Variants in ZNF492 observed in about 807,000 individuals in gnomAD.
ZNF492 encodes zinc finger protein 492.
Under a neutral mutation model 6.4 loss-of-function variants are expected in ZNF492, and 3 were observed. The observed-to-expected ratio is 0.47, with a 90% CI of 0.21 to 1.22. The LOEUF is 1.22. ZNF492 is among the 50% of genes most tolerant of loss of function. The pLI is 0.22. For synonymous variants in ZNF492, 112 were observed against 205.3 expected (o/e 0.55, Z 3.89); for missense variants, 356 against 612.5 (o/e 0.58, Z 4.42).
intron 1 of ZNF492, among the ~76,000 whole-genome samples, chr19:22,649,025 T>G (rs980624399): frequency 8.5e-5 from 13 of 152,184 alleles, no homozygotes; most frequent in African/African-American, 2.7e-4. Context: ...TTCTTCATAG[T>G]GTCATTGGTC....
chr19:22,647,637 T>G (rs1971895508), intron 1 of ZNF492, among the ~76,000 whole-genome samples: 1 of 151,298 alleles, frequency 6.6e-6, no homozygotes, highest in South Asian at 2.1e-4. Context: ...CATGTCTATC[T>G]CCTTCAGTTC....
At chr19:22,649,727 A>G (rs116181804) in intron 1 of ZNF492, among the ~76,000 whole-genome samples, 4,441 of 151,762 alleles carry the variant, frequency 0.029, 70 homozygotes, top group East Asian at 0.075. Context: ...TACTTTGTCA[A>G]TTTGGCTGTT....
At chr19:22,645,735 A>C (rs1348606380) in intron 1 of ZNF492, among the ~76,000 whole-genome samples, 1 of 152,228 alleles carries the variant, frequency 6.6e-6, no homozygotes, top group African/African-American at 2.4e-5. Context: ...AGTTTTCTGC[A>C]TATGGCTAGC....
chr19:22,667,040 C>G lies in ZNF492; in HGVS notation c.*1775C>G, dbSNP rs1236622167. On this transcript the variant is annotated 3_prime_UTR_variant, in exon 4 of 4. Transcript: ENST00000456783. ...GGTCGGGAGTTCAAGACCAGCCTGACCAACATGGAGAAACGCCATCTCTAC... is the reference window on the plus strand; with the variant it reads ...GGTCGGGAGTTCAAGACCAGCCTGAGCAACATGGAGAAACGCCATCTCTAC... 2 of 152,078 alleles carry G rather than the reference C, an allele frequency of 1.3e-5. No homozygotes were observed. Among genetic ancestry groups the G allele is most frequent in the East Asian group, 3.9e-4 (2 of 5,172 alleles). 9.4% of individuals were successfully genotyped at this position (152,078 alleles called of 1,614,324 possible).
rs1158526312 is a variant in ZNF492, at chr19:22,635,210, C to T, written c.-94+736C>T. 2.0e-5 allele frequency among the ~76,000 whole-genome samples: 3 copies of T among 152,076 alleles called. No individual in the cohort carries two copies. The East Asian group carries it at 5.8e-4, about 29-fold the overall frequency. ...AGTTTGATTTTTTAAAATTAGGAAT[C>T]CAAAGATTAGAGCCACCTCAGTCTA... On this transcript the variant is annotated intron_variant, in intron 1 of 3. Coordinates refer to ENST00000456783, the MANE Select transcript of ZNF492 (RefSeq NM_020855.3).
chr19:22,655,847 C>T (rs556375806), intron 3 of ZNF492, among the ~76,000 whole-genome samples: 18 of 107,378 alleles, frequency 1.7e-4, no homozygotes, highest in South Asian at 9.9e-4. Flanking sequence ...TTTTTTGAGA[C>T]AGCGTCTCAC....
chr19:22,667,571 G>A lies in ZNF492; in HGVS notation c.*2306G>A, dbSNP rs1295241239. The A allele has an allele frequency of 2.0e-5, 3 of 151,768 alleles. No individual in the cohort carries two copies. The highest frequency in any genetic ancestry group is 2.1e-4 in the South Asian group (1 of 4,804). The allele number at this position is 151,768 out of a possible 1,614,324, so 9.4% of individuals were successfully genotyped here. On this transcript the variant is annotated 3_prime_UTR_variant, in exon 4 of 4. Transcript: ENST00000456783. ...CAGTTTTAGTTTTTTTAAAATATAC[G>A]ATTGTTATTGACTACAGGGTTATTT...
rs140228658 is a variant in ZNF492, at chr19:22,662,452, A to G, written c.131-1348A>G. Among the ~76,000 whole-genome samples, 72 of 152,354 alleles carry G rather than the reference A, an allele frequency of 4.7e-4. No individual in the cohort carries two copies. In the East Asian group the frequency reaches 0.011, roughly 24 times the overall value. On this transcript the variant is annotated intron_variant, in intron 3 of 3. Transcript: ENST00000456783. The stretch of plus-strand genomic sequence containing the variant: ...ATAATCCTTTGGGTATATACCCAGT[A>G]ATGGGATGGCTGGCTCAAATGGTAT...
At chr19:22,638,957 T>A (rs1440698985) in intron 1 of ZNF492, among the ~76,000 whole-genome samples, 1 of 152,048 alleles carries the variant, frequency 6.6e-6, no homozygotes, top group Non-Finnish European at 1.5e-5. Flanking sequence ...ATTCTCTCCC[T>A]CAGCCTCCCG....
intron 3 of ZNF492, among the ~76,000 whole-genome samples, chr19:22,657,456 T>C (rs1315393310): frequency 6.6e-6 from 1 of 152,120 alleles, no homozygotes; most frequent in Non-Finnish European, 1.5e-5. Context: ...ATTTATCAGT[T>C]TGTCATTAGA....
chr19:22,665,397 A>T lies in ZNF492; in HGVS notation c.*132A>T, dbSNP rs1433659265. The T allele has an allele frequency of 1.9e-5, 27 of 1,457,082 alleles. No individual in the cohort carries two copies. The highest frequency in any genetic ancestry group is 2.8e-5 in the Admixed American group (1 of 35,846). The allele number at this position is 1,457,082 out of a possible 1,614,324, so 90.3% of individuals were successfully genotyped here. ...AAAACTTACACAATGCTCAAACCTT[A>T]TTGCACAGGAAAGCCTTTATACTTG... On this transcript the variant is annotated 3_prime_UTR_variant, in exon 4 of 4. Coordinates refer to ENST00000456783, the MANE Select transcript of ZNF492 (RefSeq NM_020855.3).
At chr19:22,644,046 T>C (rs1378528333) in intron 1 of ZNF492, among the ~76,000 whole-genome samples, 1 of 152,136 alleles carries the variant, frequency 6.6e-6, no homozygotes, top group Non-Finnish European at 1.5e-5. Context: ...TGTTATAAAG[T>C]ACAGAAATGG....
chr19:22,666,599 T>G lies in ZNF492; in HGVS notation c.*1334T>G. On this transcript the variant is annotated 3_prime_UTR_variant, in exon 4 of 4. Transcript: ENST00000456783. ...ATTTATGACCTCTTCTATGAAAGAG[T>G]AAGGACATTAAAATGCATGATGAAA... 1 of 152,066 alleles carries G rather than the reference T, an allele frequency of 6.6e-6. No homozygotes were observed. Among genetic ancestry groups the G allele is most frequent in the Non-Finnish European group, 1.5e-5 (1 of 68,016 alleles). 9.4% of individuals were successfully genotyped at this position (152,066 alleles called of 1,614,324 possible). A position where few individuals can be genotyped will look rare whatever the true frequency, so the allele number is the denominator to read the frequency against.
intron 3 of ZNF492, among the ~76,000 whole-genome samples, chr19:22,657,898 C>A (rs1290471054): frequency 6.6e-6 from 1 of 151,906 alleles, no homozygotes; most frequent in Non-Finnish European, 1.5e-5. Context: ...TTTTTCTTGG[C>A]TGATTTTTAA....
At chr19:22,662,284 T>C (rs967723004) in intron 3 of ZNF492, among the ~76,000 whole-genome samples, 2 of 152,214 alleles carry the variant, frequency 1.3e-5, no homozygotes, top group Admixed American at 1.3e-4. Flanking sequence ...CATGAATGCA[T>C]AGTATTCTGT....
intron 1 of ZNF492, among the ~76,000 whole-genome samples, chr19:22,649,433 T>C (rs1971917329): frequency 6.6e-6 from 1 of 152,208 alleles, no homozygotes; most frequent in Admixed American, 6.5e-5. Flanking sequence ...TGGAATATCT[T>C]AGTGGTGTTC....
intron 3 of ZNF492, among the ~76,000 whole-genome samples, chr19:22,660,305 T>C (rs62118819): frequency 0.11 from 16,935 of 152,108 alleles, 986 homozygotes; most frequent in Middle Eastern, 0.16. Flanking sequence ...TTTTAATTAT[T>C]TTATTTGATT....
chr19:22,657,036 T>G (rs1476935054), intron 3 of ZNF492, among the ~76,000 whole-genome samples: 2 of 152,176 alleles, frequency 1.3e-5, no homozygotes, highest in African/African-American at 4.8e-5. Context: ...CATTTATTTT[T>G]CCATCTTAGT....
chr19:22,647,734 T>G (rs923872214), intron 1 of ZNF492, among the ~76,000 whole-genome samples: 1 of 139,130 alleles, frequency 7.2e-6, no homozygotes, highest in South Asian at 2.3e-4. Context: ...TTAGTTTTTT[T>G]TTTTTTTTTT....
Sources: allele counts gnomAD v4.1 joint callset (sites outside exome capture counted in the v4.1 genomes callset), GRCh38; gene constraint gnomAD v4.1.1; transcripts MANE v1.5; gene names NCBI Gene and HGNC (gene_info 2026-07-23, HGNC 2026-07-21).